PCCA: variants seen among roughly 807,000 people sequenced by gnomAD.
PCCA encodes the protein propionyl-CoA carboxylase subunit alpha.
Under a neutral mutation model 101.3 loss-of-function variants are expected in PCCA, and 74 were observed. The ratio of observed to expected loss-of-function variants is 0.73; its 90% confidence interval spans 0.61 to 0.89. The LOEUF is 0.89. Among genes scored for constraint, PCCA ranks in the 40% least tolerant of loss-of-function variants. The pLI, the probability that PCCA is intolerant of heterozygous loss-of-function variation, is 0.00. For missense variants in PCCA, 891 were observed against 907.0 expected (o/e 0.98, Z 0.23); for synonymous variants, 294 against 313.6 (o/e 0.94, Z 0.66).
At chr13:100,444,777 C>T (rs906416604) in intron 20 of PCCA, among the ~76,000 whole-genome samples, 8 of 152,030 alleles carry the variant, frequency 5.3e-5, no homozygotes, top group Non-Finnish European at 8.8e-5. Context: ...CTGCCCGCCT[C>T]GGTCTCCCAA....
At chr13:100,150,591 T>C (rs1201160602) in intron 4 of PCCA, 2 of 1,209,784 alleles carry the variant, frequency 1.7e-6, no homozygotes, top group African/African-American at 1.5e-5. Context: ...AGGGCTCTTT[T>C]GGCCTGCAGA....
At chr13:100,455,642 A>G (rs993834222) in intron 21 of PCCA, among the ~76,000 whole-genome samples, 5 of 152,094 alleles carry the variant, frequency 3.3e-5, no homozygotes, top group Non-Finnish European at 5.9e-5. Flanking sequence ...AATTCTCACT[A>G]CTACCCGAAG....
At chr13:100,422,789 T>C (rs2476207) in intron 19 of PCCA, among the ~76,000 whole-genome samples, 9,757 of 152,090 alleles carry the variant, frequency 0.064, 978 homozygotes, top group African/African-American at 0.22. Context: ...TTCTGAGTTC[T>C]ATCAGCTTGA....
intron 6 of PCCA, among the ~76,000 whole-genome samples, chr13:100,175,329 G>A (rs963304450): frequency 1.3e-5 from 2 of 152,032 alleles, no homozygotes; most frequent in Admixed American, 1.3e-4. Flanking sequence ...TGAAAGTATT[G>A]CAACTTTTAG....
intron 19 of PCCA, among the ~76,000 whole-genome samples, chr13:100,392,188 G>A (rs1231031857): frequency 6.6e-6 from 1 of 152,122 alleles, no homozygotes; most frequent in African/African-American, 2.4e-5. Context: ...TGGGGGCAGG[G>A]TAGAGGAGTT....
intron 19 of PCCA, among the ~76,000 whole-genome samples, chr13:100,374,789 T>C (rs953022552): frequency 3.3e-5 from 5 of 152,214 alleles, no homozygotes; most frequent in Non-Finnish European, 7.3e-5. Flanking sequence ...TATATGATCC[T>C]GTATATTGAA....
Position 100,102,790 on chromosome 13 carries a change from G to A in PCCA, c.106-93G>A, listed in dbSNP as rs2184382. 205,081 of 820,774 alleles carry A rather than the reference G, an allele frequency of 0.25. 27,735 individuals are homozygous for A. Among genetic ancestry groups the A allele is most frequent in the Non-Finnish European group, 0.29 (135,320 of 468,264 alleles). 50.8% of individuals were successfully genotyped at this position (820,774 alleles called of 1,614,324 possible). A position where few individuals can be genotyped will look rare whatever the true frequency, so the allele number is the denominator to read the frequency against. On this transcript the variant is annotated intron_variant, in intron 1 of 23. Transcript: ENST00000376285. The stretch of plus-strand genomic sequence containing the variant: ...AGAACTACATTTATTGATCAGACAC[G>A]TTCGCTAGAACCTAACTGGAAGAAA...
chr13:100,339,772 C>A (rs763080591), intron 17 of PCCA, among the ~76,000 whole-genome samples: 24 of 152,144 alleles, frequency 1.6e-4, no homozygotes, highest in Non-Finnish European at 2.9e-4. Context: ...GCTTCTTGCA[C>A]GCTATCCTCA....
At chr13:100,339,873 GT>G (rs1474363554) in intron 17 of PCCA, among the ~76,000 whole-genome samples, 1 of 152,100 alleles carries the variant, frequency 6.6e-6, no homozygotes, top group Admixed American at 6.5e-5. Context: ...TGTGTGGATG[GT>G]TTTTTCTTTT....
At chr13:100,466,850 T>G (rs566194653) in intron 21 of PCCA, among the ~76,000 whole-genome samples, 1 of 150,076 alleles carries the variant, frequency 6.7e-6, no homozygotes, top group South Asian at 2.1e-4. Context: ...AGAGGGACAG[T>G]CCGTCTCAAA....
At chr13:100,330,402 G>A (rs2069370183) in intron 16 of PCCA, among the ~76,000 whole-genome samples, 159 bp from the exon 17 acceptor site, 1 of 152,132 alleles carries the variant, frequency 6.6e-6, no homozygotes, top group Non-Finnish European at 1.5e-5. Flanking sequence ...GATACCACAA[G>A]TTCAGATATT....
chr13:100,441,997 T>C (rs556056104), intron 20 of PCCA, among the ~76,000 whole-genome samples: 2 of 136,074 alleles, frequency 1.5e-5, no homozygotes, highest in Non-Finnish European at 3.2e-5. Flanking sequence ...TTCTTTTTTT[T>C]TTTTTTTTAT....
chr13:100,322,098 C>T (rs191041950), intron 16 of PCCA, among the ~76,000 whole-genome samples: 3 of 152,252 alleles, frequency 2.0e-5, no homozygotes, highest in South Asian at 2.1e-4. Flanking sequence ...TCTCATGTAA[C>T]TGTCTGGTCC....
At chr13:100,252,802 C>T (rs2061841649) in intron 8 of PCCA, among the ~76,000 whole-genome samples, 1 of 152,212 alleles carries the variant, frequency 6.6e-6, no homozygotes, top group South Asian at 2.1e-4. Context: ...TTCTCTCTAT[C>T]TCTGTTGCTA....
chr13:100,164,971 A>G lies in PCCA; in HGVS notation c.468+7631A>G, dbSNP rs375258669. Among the ~76,000 whole-genome samples the G allele has an allele frequency of 4.6e-5, 7 of 152,140 alleles. No individual in the cohort carries two copies. The East Asian group carries it at 7.7e-4, about 17-fold the overall frequency. ...TGTTCTTTTATGTCTGGCTTATTTC[A>G]CTCAGCATAATATTTTCAAGGTTCA... On this transcript the variant is annotated intron_variant, in intron 6 of 23. Coordinates refer to ENST00000376285, the MANE Select transcript of PCCA (RefSeq NM_000282.4).
intron 8 of PCCA, among the ~76,000 whole-genome samples, chr13:100,253,865 T>A (rs547545803): frequency 2.0e-5 from 3 of 152,020 alleles, no homozygotes; most frequent in African/African-American, 7.2e-5. Flanking sequence ...TTTTTTTTTT[T>A]TTTTTTTTAA....
At chr13:100,265,657 A>G (rs2062885434) in intron 10 of PCCA, among the ~76,000 whole-genome samples, 1 of 152,074 alleles carries the variant, frequency 6.6e-6, no homozygotes, top group Non-Finnish European at 1.5e-5. Flanking sequence ...TTGAATCTAG[A>G]GATTATTCTG....
intron 6 of PCCA, among the ~76,000 whole-genome samples, chr13:100,185,596 C>T (rs898322041): frequency 3.3e-5 from 5 of 152,042 alleles, no homozygotes; most frequent in Non-Finnish European, 7.4e-5. Context: ...ATATGCCTGC[C>T]TTGGCGCCTC....
At chr13:100,485,613 T>G (rs2084313135) in intron 21 of PCCA, among the ~76,000 whole-genome samples, 1 of 152,172 alleles carries the variant, frequency 6.6e-6, no homozygotes, top group Admixed American at 6.5e-5. Context: ...CATCCAAGTT[T>G]CCTAAACGTA....
Sources: allele counts gnomAD v4.1 joint callset (sites outside exome capture counted in the v4.1 genomes callset), GRCh38; gene constraint gnomAD v4.1.1; transcripts MANE v1.5; gene names NCBI Gene and HGNC (gene_info 2026-07-23, HGNC 2026-07-21).